YEATS4: variants seen among roughly 807,000 people sequenced by gnomAD.
YEATS4 encodes YEATS domain containing 4.
YEATS4 carries 17 observed loss-of-function variants against 30.1 expected under a neutral mutation model. The ratio of observed to expected loss-of-function variants is 0.56; its 90% CI spans 0.39 to 0.85. YEATS4 has a LOEUF of 0.85. Among genes scored for constraint, YEATS4 ranks in the 40% least tolerant of loss-of-function variants. YEATS4 has a pLI of 0.00. For synonymous variants in YEATS4, 85 were observed against 87.5 expected (o/e 0.97, Z 0.16); for missense variants, 142 against 268.3 (o/e 0.53, Z 3.29).
the YEATS4 span, among the ~76,000 whole-genome samples, chr12:69,420,413 G>T: frequency 6.6e-6 from 1 of 151,248 alleles, no homozygotes; most frequent in Non-Finnish European, 1.5e-5. Flanking sequence ...GTTAGGGGGA[G>T]GGGGACAGAG....
the YEATS4 span, among the ~76,000 whole-genome samples, chr12:69,426,519 T>G: frequency 1.5e-4 from 23 of 152,204 alleles, no homozygotes; most frequent in African/African-American, 5.5e-4. Context: ...TACAGGTGCC[T>G]GCCACTATGC....
downstream of YEATS4, among the ~76,000 whole-genome samples, chr12:69,393,504 C>T (rs536090437): frequency 4.6e-4 from 59 of 129,436 alleles, no homozygotes; most frequent in East Asian, 0.012. Context: ...ATACAAGTAC[C>T]AGCTAGGAAA....
At chr12:69,424,572 G>A in the YEATS4 span, among the ~76,000 whole-genome samples, 3 of 152,116 alleles carry the variant, frequency 2.0e-5, no homozygotes, top group Non-Finnish European at 4.4e-5. Flanking sequence ...AATCGTCAGG[G>A]GTTGAGGGAG....
chr12:69,397,966 A>C, the YEATS4 span, among the ~76,000 whole-genome samples: 1 of 152,198 alleles, frequency 6.6e-6, no homozygotes, highest in Non-Finnish European at 1.5e-5. Flanking sequence ...AACAAAGGAC[A>C]CAAAATACAC....
intron 6 of YEATS4, among the ~76,000 whole-genome samples, chr12:69,384,308 T>TATC (rs10686336): frequency 0.46 from 69,835 of 151,844 alleles, 16,077 homozygotes; most frequent in Non-Finnish European, 0.5. Flanking sequence ...TTGACAAAAC[T>TATC]ATCATTTATT....
rs1198849494 is a variant in YEATS4 at position 69,362,981 on chromosome 12, A to AATTTTTTTTTTTTTTTTTTTTTTTTTT, written c.171+74_171+75insATTTTTTTTTTTTTTTTTTTTTTTTTT. ...TTTGTTTTGCTTAAAGACAACCTGT[A>AATTTTTTTTTTTTTTTTTTTTTTTTTT]GTTTTTTTTTTTTTTTTTTTTTTTT... On this transcript the variant is annotated intron_variant, in intron 2 of 6. Coordinates refer to ENST00000247843, the MANE Select transcript of YEATS4 (RefSeq NM_006530.4). 1.6e-5 allele frequency: 5 copies of AATTTTTTTTTTTTTTTTTTTTTTTTTT among 307,590 alleles called. 2 individuals carry two copies. The highest frequency in any genetic ancestry group is 2.3e-4 in the Admixed American group (2 of 8,626). The allele number at this position is 307,590 out of a possible 1,614,324, so 19.1% of individuals were successfully genotyped here. A position where few individuals can be genotyped will look rare whatever the true frequency, so the allele number is the denominator to read the frequency against.
At chr12:69,368,961 C>T (rs910528761) in intron 4 of YEATS4, among the ~76,000 whole-genome samples, 9 of 152,250 alleles carry the variant, frequency 5.9e-5, no homozygotes, top group African/African-American at 1.9e-4. Context: ...GTATCTTTTG[C>T]CTGCATTTAT....
chr12:69,425,839 A>T, the YEATS4 span, among the ~76,000 whole-genome samples: 2 of 152,140 alleles, frequency 1.3e-5, no homozygotes, highest in Non-Finnish European at 2.9e-5. Context: ...TGATCTCATG[A>T]AGCTGTAGCC....
intron 6 of YEATS4, among the ~76,000 whole-genome samples, chr12:69,385,854 A>G (rs187618639): frequency 1.9e-4 from 29 of 152,332 alleles, no homozygotes; most frequent in African/African-American, 7.0e-4. Context: ...GGAGGAAGAT[A>G]CTATGATTAG....
the YEATS4 span, among the ~76,000 whole-genome samples, chr12:69,406,578 TTC>T: frequency 4.7e-5 from 7 of 150,286 alleles, no homozygotes; most frequent in African/African-American, 1.7e-4. Flanking sequence ...TTTTTAAAAA[TTC>T]TGAGTAAGAT....
chr12:69,383,288 C>T (rs2121039571), intron 6 of YEATS4, among the ~76,000 whole-genome samples: 1 of 151,602 alleles, frequency 6.6e-6, no homozygotes, highest in African/African-American at 2.4e-5. Flanking sequence ...CAAGTTTGGA[C>T]ATGATGGGTG....
intron 4 of YEATS4, among the ~76,000 whole-genome samples, chr12:69,366,349 G>C (rs932877213): frequency 1.3e-5 from 2 of 150,944 alleles, no homozygotes; most frequent in African/African-American, 4.9e-5. Flanking sequence ...TTCATCTTTT[G>C]ATCTCTTCTT....
intron 6 of YEATS4, among the ~76,000 whole-genome samples, chr12:69,373,494 AGTT>A (rs1249948198): frequency 3.3e-5 from 5 of 152,056 alleles, no homozygotes; most frequent in Admixed American, 6.5e-5. Flanking sequence ...ATTCTTAAGG[AGTT>A]GTTCGAGCTC....
chr12:69,362,014 T>TTTTTGTTTTTG (rs1491396701), intron 1 of YEATS4, among the ~76,000 whole-genome samples: 21 of 83,094 alleles, frequency 2.5e-4, no homozygotes, highest in African/African-American at 1.2e-3. Flanking sequence ...TGTTTGGTTG[T>TTTTTGTTTTTG]TTTTTTTTTT....
At chr12:69,419,085 T>G in the YEATS4 span, among the ~76,000 whole-genome samples, 1 of 150,162 alleles carries the variant, frequency 6.7e-6, no homozygotes, top group African/African-American at 2.4e-5. Context: ...TCACCTCTGC[T>G]CATTCTTCCT....
chr12:69,360,404 CTG>C (rs1875147988), intron 1 of YEATS4, among the ~76,000 whole-genome samples: 1 of 152,192 alleles, frequency 6.6e-6, no homozygotes, highest in African/African-American at 2.4e-5. Context: ...ATAACAATAA[CTG>C]TAGCAAACAG....
At chr12:69,362,644 A>T in intron 1 of YEATS4, 144 bp from the exon 2 acceptor site, 2 of 538,334 alleles carry the variant, frequency 3.7e-6, no homozygotes, top group South Asian at 4.1e-5. Flanking sequence ...GATGTGTCTG[A>T]AATTGATTTG....
the YEATS4 span, among the ~76,000 whole-genome samples, chr12:69,405,032 C>T: frequency 6.6e-6 from 1 of 152,196 alleles, no homozygotes; most frequent in African/African-American, 2.4e-5. Flanking sequence ...GAAGATACGG[C>T]CTTGGATAGA....
chr12:69,388,063 A>ATTTAT (rs1868273011), intron 6 of YEATS4, among the ~76,000 whole-genome samples: 2 of 143,472 alleles, frequency 1.4e-5, no homozygotes, highest in South Asian at 2.2e-4. Context: ...TTTTATTTTT[A>ATTTAT]TTTTTTTTTT....
Sources: gnomAD v4.1 joint callset for allele counts (sites outside exome capture counted in the v4.1 genomes callset) on GRCh38, gnomAD v4.1.1 for gene constraint, MANE v1.5 for transcripts, NCBI Gene and HGNC (gene_info 2026-07-23, HGNC 2026-07-21) for gene names.